Variants in ANO3 observed in about 807,000 individuals in gnomAD.
The protein encoded by ANO3 is anoctamin-3.
Under a neutral mutation model 144.8 loss-of-function variants are expected in ANO3, and 99 were observed. The ratio of observed to expected loss-of-function variants is 0.68; its 90% CI spans 0.58 to 0.81. ANO3 has a LOEUF of 0.81. Ranked by LOEUF, ANO3 falls within the 30% of genes least tolerant of loss-of-function variation. The pLI is 0.00. For synonymous variants in ANO3, 414 were observed against 392.6 expected (o/e 1.05, Z -0.64); for missense variants, 905 against 1,202.2 (o/e 0.75, Z 3.66).
At chr11:26,652,802 A>G (rs1853573573) in intron 24 of ANO3, among the ~76,000 whole-genome samples, 1 of 152,140 alleles carries the variant, frequency 6.6e-6, no homozygotes, top group South Asian at 2.1e-4. Flanking sequence ...GATAATGTGT[A>G]TGCCCCATGG....
intron 17 of ANO3, among the ~76,000 whole-genome samples, chr11:26,610,222 T>C (rs1301659324): frequency 1.3e-5 from 2 of 152,184 alleles, no homozygotes; most frequent in South Asian, 2.1e-4. Flanking sequence ...ACTTTGTATT[T>C]TTGATTCTAG....
At chr11:26,455,087 G>A (rs1003279864) in intron 3 of ANO3, among the ~76,000 whole-genome samples, 15 of 152,220 alleles carry the variant, frequency 9.9e-5, no homozygotes, top group Admixed American at 2.0e-4. Flanking sequence ...AATAATAAGA[G>A]CTATTTATGA....
intron 6 of ANO3, among the ~76,000 whole-genome samples, chr11:26,522,123 G>T (rs111489608): frequency 6.6e-5 from 10 of 152,088 alleles, no homozygotes; most frequent in African/African-American, 2.4e-4. Flanking sequence ...GGCTGAGCTT[G>T]CAGTGAGCCG....
chr11:26,311,678 T>C (rs1262193948), intron 1 of ANO3, among the ~76,000 whole-genome samples: 2 of 152,282 alleles, frequency 1.3e-5, no homozygotes, highest in East Asian at 3.9e-4. Context: ...TTAGTTTTAT[T>C]GAAAGCCCAT....
intron 11 of ANO3, among the ~76,000 whole-genome samples, chr11:26,545,493 C>T (rs1174768765): frequency 6.6e-6 from 1 of 151,972 alleles, no homozygotes; most frequent in African/African-American, 2.4e-5. Flanking sequence ...AAAGAGCACA[C>T]ATTCAAAATC....
At chr11:26,435,806 C>T (rs191644584) in intron 1 of ANO3, among the ~76,000 whole-genome samples, 1 of 152,192 alleles carries the variant, frequency 6.6e-6, no homozygotes, top group Non-Finnish European at 1.5e-5. Context: ...TATTATGATT[C>T]TTAGTTTCCT....
intron 12 of ANO3, among the ~76,000 whole-genome samples, chr11:26,548,848 C>A (rs190505312): frequency 2.6e-5 from 4 of 151,926 alleles, no homozygotes; most frequent in African/African-American, 9.6e-5. Context: ...CTTCGGCCCA[C>A]CGGAAACATC....
chr11:26,314,314 A>C (rs1007441853), intron 1 of ANO3, among the ~76,000 whole-genome samples: 1 of 152,184 alleles, frequency 6.6e-6, no homozygotes, highest in African/African-American at 2.4e-5. Flanking sequence ...TATGTTACTT[A>C]ATTCAACTGT....
At chr11:26,198,119 C>T (rs1851624892) in intron 1 of ANO3, among the ~76,000 whole-genome samples, 1 of 152,066 alleles carries the variant, frequency 6.6e-6, no homozygotes, top group Admixed American at 6.6e-5. Context: ...CCATAAGAGG[C>T]ACATGTTAGG....
At chr11:26,334,931 A>C (rs1564970287) in intron 1 of ANO3, among the ~76,000 whole-genome samples, 1 of 152,152 alleles carries the variant, frequency 6.6e-6, no homozygotes, top group Non-Finnish European at 1.5e-5. Context: ...AAACAGACAC[A>C]CTCAATATTT....
chr11:26,223,547 C>T (rs1852192753), intron 1 of ANO3, among the ~76,000 whole-genome samples: 1 of 148,926 alleles, frequency 6.7e-6, no homozygotes, highest in South Asian at 2.1e-4. Flanking sequence ...ATCCTTATAG[C>T]AATGCCTCAC....
chr11:26,225,286 A>C (rs1224622865), intron 1 of ANO3, among the ~76,000 whole-genome samples: 3 of 152,024 alleles, frequency 2.0e-5, no homozygotes, highest in African/African-American at 7.2e-5. Context: ...GCCCCTTTTT[A>C]AGAAATAATA....
intron 1 of ANO3, among the ~76,000 whole-genome samples, chr11:26,284,873 C>A (rs1853766368): frequency 6.6e-6 from 1 of 152,126 alleles, no homozygotes; most frequent in South Asian, 2.1e-4. Flanking sequence ...CCACTGCACC[C>A]CAGCCTGGGC....
At chr11:26,246,683 G>T (rs1852804217) in intron 1 of ANO3, among the ~76,000 whole-genome samples, 1 of 142,532 alleles carries the variant, frequency 7.0e-6, no homozygotes, top group Non-Finnish European at 1.5e-5. Flanking sequence ...ATCTTCAGTT[G>T]TAGCTCCCAT....
intron 1 of ANO3, among the ~76,000 whole-genome samples, chr11:26,210,940 C>T (rs35088680): frequency 0.3 from 45,908 of 151,794 alleles, 7,681 homozygotes; most frequent in Non-Finnish European, 0.37. Context: ...CAATATTAGA[C>T]AGATCAACAA....
chr11:26,199,510 C>G (rs1834486589), intron 1 of ANO3, among the ~76,000 whole-genome samples: 1 of 152,068 alleles, frequency 6.6e-6, no homozygotes, highest in African/African-American at 2.4e-5. Flanking sequence ...GGATGGGACA[C>G]AGGAATAAAT....
intron 1 of ANO3, among the ~76,000 whole-genome samples, chr11:26,419,480 C>T (rs1046619538): frequency 6.6e-6 from 1 of 151,976 alleles, no homozygotes; most frequent in African/African-American, 2.4e-5. Context: ...ATAAACAGCA[C>T]ATTTCTGAAC....
chr11:26,656,464 T>C lies in ANO3; in HGVS notation c.2746T>C (p.Phe916Leu). The C allele has an allele frequency of 6.2e-7, 1 of 1,605,536 alleles. No individual in the cohort carries two copies. ...YWHILAARLA[F>L]IIVFEHLVFG... ...GCATATCCTTGCTGCTAGATTGGCC[T>C]TCATTATTGTGTTTGAGGTTAGTCA... The change falls in exon 26 of 27, where the codon TTC becomes CTC. Residue 916 changes from phenylalanine to leucine, a missense_variant. Phe to Leu is a conservative substitution (Grantham distance 22). Transcript: ENST00000256737.
chr11:26,551,643 C>G (rs535199490), intron 12 of ANO3, among the ~76,000 whole-genome samples: 1 of 151,808 alleles, frequency 6.6e-6, no homozygotes, highest in Admixed American at 6.6e-5. Flanking sequence ...AACTTCAATA[C>G]CTTTTTAGTA....
Sources: gnomAD v4.1 joint callset for allele counts (sites outside exome capture counted in the v4.1 genomes callset) on GRCh38, gnomAD v4.1.1 for gene constraint, MANE v1.5 for transcripts, NCBI Gene and HGNC (gene_info 2026-07-23, HGNC 2026-07-21) for gene names.